ERGIC1: variants seen among roughly 807,000 people sequenced by gnomAD.
The protein encoded by ERGIC1 is endoplasmic reticulum-Golgi intermediate compartment protein 1.
Under a neutral mutation model 38.3 loss-of-function variants are expected in ERGIC1, and 19 were observed. That is an observed-to-expected ratio of 0.50 (90% CI 0.35 to 0.73). ERGIC1 has a LOEUF of 0.73. ERGIC1 is among the 30% of genes least tolerant of loss of function. ERGIC1 has a pLI of 0.01. For missense variants in ERGIC1, 294 were observed against 389.2 expected, an observed-to-expected ratio of 0.76 and a Z score of 2.06; for synonymous variants, 124 against 157.6, an observed-to-expected ratio of 0.79 and a Z score of 1.60.
rs759992483 is a variant in ERGIC1 at position 172,932,534 on chromosome 5, A to G, written c.640A>G (p.Lys214Glu). 1.9e-6 allele frequency: 3 copies of G among 1,613,954 alleles called. No homozygotes were observed. Among genetic ancestry groups the G allele is most frequent in the Non-Finnish European group, 2.5e-6 (3 of 1,179,946 alleles). ...RYSYQYTVAN[K>E]EYVAYSHTGR... ...CTCCTACCAGTACACGGTGGCCAAC[A>G]AGGTGCGCGGGCGGTGGCTGGGCCG... Residue 214 changes from lysine (K) to glutamate (E), a missense_variant and splice_region_variant, in exon 8 of 10, where the codon AAG (lysine) becomes GAG (glutamate). Physicochemically the swap from Lys to Glu is moderately conservative, Grantham distance 56. Around this residue, in one of 3 missense-constraint regions of ERGIC1, gnomAD observed 109 missense variants for 112.7 expected, o/e 0.97. Coordinates refer to ENST00000393784, the MANE Select transcript of ERGIC1 (RefSeq NM_001031711.3).
At chr5:172,917,961 C>G (rs1405682836) in intron 5 of ERGIC1, 1 of 152,134 alleles carries the variant, frequency 6.6e-6, no homozygotes, top group Non-Finnish European at 1.5e-5. Flanking sequence ...TTGAGGAGTT[C>G]AAGACCAGCC....
intron 3 of ERGIC1, chr5:172,905,487 G>T (rs374456456): frequency 2.2e-6 from 1 of 462,828 alleles, no homozygotes; most frequent in Non-Finnish European, 4.4e-6. Context: ...GAGTGTTACA[G>T]CTCTATTGGA....
Position 172,867,441 on chromosome 5 carries a change from A to C in ERGIC1, c.21-21258A>C. The C allele has an allele frequency of 1.3e-5, 5 of 387,820 alleles. No individual in the cohort carries two copies. In the East Asian group the frequency reaches 2.4e-4, roughly 18 times the overall value. The allele number at this position is 387,820 out of a possible 1,614,324, so 24.0% of individuals were successfully genotyped here. On this transcript the variant is annotated intron_variant, in intron 1 of 9. Coordinates refer to ENST00000393784, the MANE Select transcript of ERGIC1 (RefSeq NM_001031711.3). ...GTAACTTTTCCCTGTCCCTATTTCCACTCCTTGGAGGCCGCAAGAACAACT... is the reference window on the plus strand; with the variant it reads ...GTAACTTTTCCCTGTCCCTATTTCCCCTCCTTGGAGGCCGCAAGAACAACT...
intron 9 of ERGIC1, among the ~76,000 whole-genome samples, chr5:172,950,456 G>A (rs919593836): frequency 2.6e-5 from 4 of 152,294 alleles, no homozygotes; most frequent in South Asian, 2.1e-4. Flanking sequence ...CATTCAGAGG[G>A]TGAATATGGG....
chr5:172,838,883 C>A (rs890714130), intron 1 of ERGIC1, among the ~76,000 whole-genome samples: 1 of 152,212 alleles, frequency 6.6e-6, no homozygotes, highest in African/African-American at 2.4e-5. Flanking sequence ...GTATTTCTAC[C>A]CTGCTGTTTC....
chr5:172,914,640 C>T (rs1318142326), intron 4 of ERGIC1, 74 bp from the exon 5 acceptor site: 2 of 1,612,626 alleles, frequency 1.2e-6, no homozygotes. Flanking sequence ...TGAAGGCTCC[C>T]AGAGAGAACA....
chr5:172,849,848 G>A (rs1385189161), intron 1 of ERGIC1, among the ~76,000 whole-genome samples: 1 of 152,174 alleles, frequency 6.6e-6, no homozygotes, highest in African/African-American at 2.4e-5. Context: ...ATTTGCAGGG[G>A]AACAGGGGTG....
chr5:172,871,797 C>T (rs1481377156), intron 1 of ERGIC1, among the ~76,000 whole-genome samples: 4 of 152,192 alleles, frequency 2.6e-5, no homozygotes, highest in African/African-American at 9.7e-5. Flanking sequence ...AACACACAGC[C>T]AAAGACAGAT....
At chr5:172,927,669 T>A (rs1362686898) in intron 7 of ERGIC1, among the ~76,000 whole-genome samples, 1 of 146,690 alleles carries the variant, frequency 6.8e-6, no homozygotes, top group African/African-American at 2.5e-5. Flanking sequence ...AACCTCAGCC[T>A]CCCGGGTTCA....
At chr5:172,907,690 C>T (rs1217361556) in intron 3 of ERGIC1, among the ~76,000 whole-genome samples, 2 of 152,208 alleles carry the variant, frequency 1.3e-5, no homozygotes, top group Non-Finnish European at 1.5e-5. Flanking sequence ...ATGATGCCTA[C>T]GCATCCCCCA....
chr5:172,911,444 C>G (rs1233940995), intron 4 of ERGIC1, among the ~76,000 whole-genome samples: 1 of 152,152 alleles, frequency 6.6e-6, no homozygotes, highest in Non-Finnish European at 1.5e-5. Flanking sequence ...CAGGAGGGGC[C>G]AGGCAACCTC....
intron 5 of ERGIC1, among the ~76,000 whole-genome samples, chr5:172,922,817 T>G (rs571008035): frequency 6.6e-6 from 1 of 152,152 alleles, no homozygotes; most frequent in East Asian, 1.9e-4. Context: ...AGATCTGATG[T>G]AGGGTTTAAA....
intron 1 of ERGIC1, among the ~76,000 whole-genome samples, chr5:172,843,134 A>C (rs1761198962): frequency 1.3e-5 from 2 of 152,192 alleles, no homozygotes; most frequent in African/African-American, 4.8e-5. Flanking sequence ...TGACAGAGTG[A>C]AACTCCGTCT....
intron 1 of ERGIC1, among the ~76,000 whole-genome samples, chr5:172,886,917 GT>G: frequency 6.6e-6 from 1 of 152,124 alleles, no homozygotes; most frequent in Admixed American, 6.6e-5. Flanking sequence ...ATATGGACAG[GT>G]GAGTTGCAGA....
chr5:172,866,859 G>C lies in ERGIC1; in HGVS notation c.21-21840G>C, dbSNP rs1761876553. On this transcript the variant is annotated intron_variant, in intron 1 of 9. Coordinates refer to ENST00000393784, the MANE Select transcript of ERGIC1 (RefSeq NM_001031711.3). ...CTCAGTGGAGGTTTTCTTGACTCTA[G>C]CTCCAGGCAGGCAGAGACTGCCTTT... 1.3e-5 allele frequency: 4 copies of C among 309,192 alleles called. 1 individual carries two copies. Among genetic ancestry groups the C allele is most frequent in the South Asian group, 9.8e-5 (4 of 40,746 alleles). 19.2% of individuals were successfully genotyped at this position (309,192 alleles called of 1,614,324 possible).
chr5:172,909,987 T>C (rs886394944), intron 4 of ERGIC1, among the ~76,000 whole-genome samples: 2 of 152,168 alleles, frequency 1.3e-5, no homozygotes, highest in Non-Finnish European at 2.9e-5. Context: ...GCTGATTTGG[T>C]GCAGGGAGGT....
At chr5:172,856,330 G>A (rs1350767887) in intron 1 of ERGIC1, among the ~76,000 whole-genome samples, 1 of 152,238 alleles carries the variant, frequency 6.6e-6, no homozygotes, top group Non-Finnish European at 1.5e-5. Context: ...TGGTCAGTCA[G>A]GCCAGAGAGG....
At chr5:172,891,022 G>T (rs574918178) in intron 2 of ERGIC1, among the ~76,000 whole-genome samples, 1 of 152,360 alleles carries the variant, frequency 6.6e-6, no homozygotes, top group East Asian at 1.9e-4. Flanking sequence ...TTTAGCAGCA[G>T]TGTGACTGAG....
chr5:172,915,773 A>G (rs2113414172), intron 5 of ERGIC1: 1 of 389,088 alleles, frequency 2.6e-6, no homozygotes, highest in East Asian at 8.1e-5. Flanking sequence ...TCCCCTTCCC[A>G]GCCCCAGCCA....
Sources: allele counts gnomAD v4.1 joint callset (sites outside exome capture counted in the v4.1 genomes callset), GRCh38; gene constraint gnomAD v4.1.1; regional missense constraint gnomAD v4.1.1; transcripts MANE v1.5; gene names NCBI Gene and HGNC (gene_info 2026-07-23, HGNC 2026-07-21).